FAF1: variants seen among roughly 807,000 people sequenced by gnomAD.
The protein encoded by FAF1 is Fas associated factor 1.
FAF1 carries 25 observed loss-of-function variants against 92.5 expected under a neutral mutation model. The observed-to-expected ratio is 0.27, with a 90% confidence interval of 0.20 to 0.38. The LOEUF (loss-of-function observed/expected upper bound fraction) is 0.38, where lower values mean the gene tolerates loss of function less well. Ranked by LOEUF, FAF1 falls within the 10% of genes least tolerant of loss-of-function variation. FAF1 has a pLI of 1.00. For synonymous variants in FAF1, 234 were observed against 273.2 expected, an observed-to-expected ratio of 0.86 and a Z score of 1.42; for missense variants, 636 against 793.3, an observed-to-expected ratio of 0.80 and a Z score of 2.38.
chr1:50,883,291 T>G (rs909923365), intron 1 of FAF1, among the ~76,000 whole-genome samples: 2 of 152,238 alleles, frequency 1.3e-5, no homozygotes, highest in Admixed American at 1.3e-4. Flanking sequence ...AAATCCATGT[T>G]GATTCTTTTA....
At chr1:50,749,796 A>G (rs1223336043) in intron 4 of FAF1, among the ~76,000 whole-genome samples, 1 of 152,022 alleles carries the variant, frequency 6.6e-6, no homozygotes, top group African/African-American at 2.4e-5. Context: ...CTCAGAGAAA[A>G]AAAAAAAAAC....
intron 18 of FAF1, chr1:50,471,138 GCGAATTAAACTGCTTC>G (rs1419785251): frequency 6.6e-6 from 1 of 152,176 alleles, no homozygotes; most frequent in Non-Finnish European, 1.5e-5. Context: ...TGAATTAAAT[GCGAATTAAACTGCTTC>G]TATCTCCTTA....
At chr1:50,517,734 C>T (rs1184294898) in intron 15 of FAF1, among the ~76,000 whole-genome samples, 3 of 152,144 alleles carry the variant, frequency 2.0e-5, no homozygotes, top group African/African-American at 7.2e-5. Flanking sequence ...TTCCAATTAG[C>T]ATATGACTTG....
At chr1:50,936,312 T>G (rs1645084457) in intron 1 of FAF1, among the ~76,000 whole-genome samples, 1 of 152,098 alleles carries the variant, frequency 6.6e-6, no homozygotes, top group Admixed American at 6.5e-5. Flanking sequence ...GAATGAGAAA[T>G]ACATATGGGT....
chr1:50,719,893 A>G (rs1327753868), intron 6 of FAF1, among the ~76,000 whole-genome samples: 1 of 152,232 alleles, frequency 6.6e-6, no homozygotes, highest in Non-Finnish European at 1.5e-5. Context: ...CCTCACTCCA[A>G]TTAGATGTGT....
intron 8 of FAF1, among the ~76,000 whole-genome samples, chr1:50,606,687 G>A (rs1318737930): frequency 2.6e-5 from 4 of 151,882 alleles, no homozygotes; most frequent in Non-Finnish European, 5.9e-5. Flanking sequence ...TTTTAGTAGA[G>A]ACGGAGTTTC....
chr1:50,456,499 C>T (rs745897365), intron 18 of FAF1, among the ~76,000 whole-genome samples: 1 of 152,194 alleles, frequency 6.6e-6, no homozygotes, highest in Non-Finnish European at 1.5e-5. Context: ...TGGCCTCTCA[C>T]TTGCCTGTCC....
chr1:50,821,777 C>T (rs1053303742), intron 2 of FAF1, among the ~76,000 whole-genome samples: 12 of 152,100 alleles, frequency 7.9e-5, no homozygotes, highest in Admixed American at 2.0e-4. Context: ...ACTGCTTTTA[C>T]AGTAATTATT....
intron 6 of FAF1, among the ~76,000 whole-genome samples, chr1:50,728,200 C>A (rs1658742221): frequency 6.6e-6 from 1 of 152,024 alleles, no homozygotes; most frequent in African/African-American, 2.4e-5. Flanking sequence ...TAGATAGGGG[C>A]ATCAAGAAAA....
At chr1:50,441,557 G>A (rs1240949882) in intron 18 of FAF1, 34 bp from the exon 19 acceptor site, 1 of 1,309,820 alleles carries the variant, frequency 7.6e-7, no homozygotes, top group Non-Finnish European at 1.1e-6. Flanking sequence ...TCAAAAGACT[G>A]AAACAAGCAC....
intron 6 of FAF1, among the ~76,000 whole-genome samples, chr1:50,726,272 T>A (rs1347092196): frequency 6.6e-6 from 1 of 151,436 alleles, no homozygotes; most frequent in African/African-American, 2.4e-5. Flanking sequence ...ATAATAATAA[T>A]AAATAACTGG....
intron 2 of FAF1, among the ~76,000 whole-genome samples, chr1:50,819,680 T>TATATATATATACATATATATATAC (rs1256681516): frequency 8.6e-6 from 1 of 116,700 alleles, no homozygotes; most frequent in Non-Finnish European, 1.8e-5. Flanking sequence ...TCTCTCTCTG[T>TATATATATATACATATATATATAC]ATATATATAT....
intron 9 of FAF1, among the ~76,000 whole-genome samples, chr1:50,595,566 G>C (rs1156816338): frequency 6.6e-6 from 1 of 152,008 alleles, no homozygotes; most frequent in Admixed American, 6.6e-5. Context: ...TTTTTGAGAT[G>C]CATTCTCATG....
chr1:50,708,746 T>C (rs567033219), intron 6 of FAF1, among the ~76,000 whole-genome samples: 6 of 152,146 alleles, frequency 3.9e-5, no homozygotes, highest in South Asian at 2.1e-4. Context: ...TTAAAGGAGA[T>C]TGATAAATCA....
chr1:50,482,415 T>C (rs1447008402), intron 17 of FAF1, among the ~76,000 whole-genome samples: 1 of 152,180 alleles, frequency 6.6e-6, no homozygotes, highest in Non-Finnish European at 1.5e-5. Flanking sequence ...TGACTACAAA[T>C]AAAGCTGCCA....
chr1:50,908,640 C>T (rs1313298138), intron 1 of FAF1, among the ~76,000 whole-genome samples: 1 of 151,962 alleles, frequency 6.6e-6, no homozygotes, highest in African/African-American at 2.4e-5. Context: ...CCTTCTTTGT[C>T]TCTTTTGATC....
At chr1:50,886,889 T>C (rs533798311) in intron 1 of FAF1, among the ~76,000 whole-genome samples, 20 of 152,340 alleles carry the variant, frequency 1.3e-4, no homozygotes, top group African/African-American at 4.3e-4. Context: ...TCTGGGTATA[T>C]ACCCAGTAGT....
At chr1:50,459,655 G>A (rs1247522392) in intron 18 of FAF1, among the ~76,000 whole-genome samples, 3 of 152,048 alleles carry the variant, frequency 2.0e-5, no homozygotes, top group Non-Finnish European at 2.9e-5. Context: ...CCAAATTGTT[G>A]CCATCTTAGT....
At chr1:50,658,042 C>T (rs900268176) in intron 7 of FAF1, among the ~76,000 whole-genome samples, 8 of 152,180 alleles carry the variant, frequency 5.3e-5, no homozygotes, top group African/African-American at 9.7e-5. Flanking sequence ...TAACCACTTT[C>T]ACTAGCTGTT....
Sources: allele counts gnomAD v4.1 joint callset (sites outside exome capture counted in the v4.1 genomes callset), GRCh38; gene constraint gnomAD v4.1.1; transcripts MANE v1.5; gene names NCBI Gene and HGNC (gene_info 2026-07-23, HGNC 2026-07-21).